Variants in ZMAT4 observed in about 807,000 individuals in gnomAD.
The protein encoded by ZMAT4 is zinc finger matrin-type 4.
A neutral mutation model predicts 28.7 loss-of-function variants in ZMAT4; 17 were observed. That is an observed-to-expected ratio of 0.59 (90% CI 0.41 to 0.89). The LOEUF (loss-of-function observed/expected upper bound fraction) is 0.89, where lower values mean the gene tolerates loss of function less well. Among genes scored for constraint, ZMAT4 ranks in the 40% least tolerant of loss-of-function variants. The pLI is 0.00. For missense variants in ZMAT4, 240 were observed against 283.8 expected (o/e 0.85, Z 1.11); for synonymous variants, 117 against 109.2 (o/e 1.07, Z -0.44).
rs10089713 is a variant in ZMAT4, at chr8:40,720,570, C to T, written c.193-23169G>A. Reference sequence around the variant, plus strand: ...TGAGATGGAGTCTTGCTCTGTCACCCAGGCTGGAGTGCAGTGGCATGATTT... The same window carrying T: ...TGAGATGGAGTCTTGCTCTGTCACCTAGGCTGGAGTGCAGTGGCATGATTT... On this transcript the variant is annotated intron_variant, in intron 3 of 6. Transcript: ENST00000297737. Among the ~76,000 whole-genome samples the T allele has an allele frequency of 4.4e-3, 664 of 149,646 alleles. 1 individual carries two copies. The highest frequency in any genetic ancestry group is 0.016 in the African/African-American group (630 of 40,352).
At chr8:40,655,596 GA>G (rs57186189) in intron 5 of ZMAT4, among the ~76,000 whole-genome samples, 281 of 146,226 alleles carry the variant, frequency 1.9e-3, no homozygotes, top group African/African-American at 5.3e-3. Flanking sequence ...CGGTGTTGCA[GA>G]AAAAAAAAAG....
chr8:40,551,178 C>T (rs1382063669), intron 6 of ZMAT4, among the ~76,000 whole-genome samples: 2 of 152,052 alleles, frequency 1.3e-5, no homozygotes, highest in African/African-American at 4.8e-5. Context: ...ATAATAAATA[C>T]ATGCTAAAAG....
intron 3 of ZMAT4, among the ~76,000 whole-genome samples, chr8:40,722,714 C>G (rs989617639): frequency 6.6e-6 from 1 of 152,154 alleles, no homozygotes; most frequent in African/African-American, 2.4e-5. Flanking sequence ...CCTCCCTGCT[C>G]ACAGTCAGGA....
At chr8:40,572,888 G>T (rs533503127) in intron 6 of ZMAT4, among the ~76,000 whole-genome samples, 9 of 152,128 alleles carry the variant, frequency 5.9e-5, no homozygotes, top group Non-Finnish European at 1.2e-4. Context: ...ATTACAGTTT[G>T]ATTAGTTATC....
chr8:40,717,408 A>T (rs981668791), intron 3 of ZMAT4, among the ~76,000 whole-genome samples: 1 of 152,208 alleles, frequency 6.6e-6, no homozygotes, highest in Non-Finnish European at 1.5e-5. Flanking sequence ...TAATCCCAGC[A>T]CTTTGGGAGG....
intron 5 of ZMAT4, among the ~76,000 whole-genome samples, chr8:40,600,445 C>A (rs764339722): frequency 2.6e-5 from 4 of 152,218 alleles, no homozygotes; most frequent in South Asian, 4.1e-4. Flanking sequence ...TGTGGCCAGG[C>A]TCCTGCCTGG....
chr8:40,771,674 C>T (rs1046147589), intron 2 of ZMAT4, among the ~76,000 whole-genome samples: 20 of 152,204 alleles, frequency 1.3e-4, no homozygotes, highest in African/African-American at 4.8e-4. Context: ...ATATATGCTA[C>T]TTCCAATTTT....
At chr8:40,752,204 G>C (rs990665939) in intron 3 of ZMAT4, among the ~76,000 whole-genome samples, 1 of 152,152 alleles carries the variant, frequency 6.6e-6, no homozygotes, top group Non-Finnish European at 1.5e-5. Context: ...CCTCTCACTT[G>C]GCACCTATCT....
intron 2 of ZMAT4, among the ~76,000 whole-genome samples, chr8:40,773,011 C>T (rs1259381126): frequency 1.3e-5 from 2 of 152,180 alleles, no homozygotes; most frequent in African/African-American, 2.4e-5. Context: ...CACTGAGGGT[C>T]CCAGGGATGA....
chr8:40,890,517 C>A (rs1255814905), intron 1 of ZMAT4, among the ~76,000 whole-genome samples: 1 of 152,110 alleles, frequency 6.6e-6, no homozygotes, highest in Non-Finnish European at 1.5e-5. Flanking sequence ...TGTCTTCCTG[C>A]GGGCCCTCGC....
At chr8:40,545,950 T>A (rs1252440360) in intron 6 of ZMAT4, among the ~76,000 whole-genome samples, 16 of 132,890 alleles carry the variant, frequency 1.2e-4, no homozygotes, top group South Asian at 2.5e-4. Flanking sequence ...TGAAGCCCAG[T>A]AAAAAAAAAA....
At chr8:40,580,248 C>A (rs751598290) in intron 6 of ZMAT4, among the ~76,000 whole-genome samples, 35 of 151,924 alleles carry the variant, frequency 2.3e-4, no homozygotes, top group Admixed American at 1.4e-3. Flanking sequence ...TGCTGACCTC[C>A]TGATCCGCCC....
intron 5 of ZMAT4, among the ~76,000 whole-genome samples, chr8:40,604,123 A>G (rs1805497441): frequency 6.6e-6 from 1 of 152,056 alleles, no homozygotes; most frequent in Non-Finnish European, 1.5e-5. Context: ...CTTTTGGATG[A>G]GTCTTTAGGG....
At chr8:40,743,730 C>T (rs374701859) in intron 3 of ZMAT4, among the ~76,000 whole-genome samples, 2 of 152,074 alleles carry the variant, frequency 1.3e-5, no homozygotes, top group African/African-American at 4.8e-5. Context: ...CCGATTCCGG[C>T]GTGAAGCCAC....
intron 5 of ZMAT4, among the ~76,000 whole-genome samples, chr8:40,584,792 C>T (rs1804612708): frequency 6.6e-6 from 1 of 152,062 alleles, no homozygotes; most frequent in Non-Finnish European, 1.5e-5. Context: ...TGTCACCATG[C>T]CCGGCTAATT....
chr8:40,731,984 A>C (rs1042844876), intron 3 of ZMAT4, among the ~76,000 whole-genome samples: 9 of 152,198 alleles, frequency 5.9e-5, no homozygotes, highest in Non-Finnish European at 1.3e-4. Context: ...AAAGGCAAAT[A>C]CTGTGCGATT....
At chr8:40,717,404 CA>C (rs1342814153) in intron 3 of ZMAT4, among the ~76,000 whole-genome samples, 22 of 152,260 alleles carry the variant, frequency 1.4e-4, no homozygotes, top group Admixed American at 9.8e-4. Context: ...CCTGTAATCC[CA>C]GCACTTTGGG....
At chr8:40,787,963 A>T (rs891743930) in intron 2 of ZMAT4, among the ~76,000 whole-genome samples, 5 of 152,200 alleles carry the variant, frequency 3.3e-5, no homozygotes, top group Admixed American at 2.6e-4. Flanking sequence ...CTATAAATTA[A>T]TCCTCATGAA....
At chr8:40,893,851 G>A (rs777261715) in intron 1 of ZMAT4, among the ~76,000 whole-genome samples, 20 of 152,100 alleles carry the variant, frequency 1.3e-4, no homozygotes, top group Non-Finnish European at 1.5e-4. Context: ...GGCCCCTATT[G>A]TTCCCCTCTT....
Sources: gnomAD v4.1 joint callset for allele counts (sites outside exome capture counted in the v4.1 genomes callset) on GRCh38, gnomAD v4.1.1 for gene constraint, MANE v1.5 for transcripts, NCBI Gene and HGNC (gene_info 2026-07-23, HGNC 2026-07-21) for gene names.